The following RBMS3 variants were observed in gnomAD, a reference collection of about 807,000 sequenced individuals.
RBMS3 encodes RNA-binding motif, single-stranded-interacting protein 3.
Under a neutral mutation model 66.8 loss-of-function variants are expected in RBMS3, and 27 were observed. That is an observed-to-expected ratio of 0.40 (90% CI 0.30 to 0.56). RBMS3 has a LOEUF of 0.56. Among genes scored for constraint, RBMS3 ranks in the 20% least tolerant of loss-of-function variants. The pLI, the probability that RBMS3 is intolerant of heterozygous loss-of-function variation, is 0.40. For missense variants in RBMS3, 513 were observed against 549.5 expected (o/e 0.93, Z 0.66); for synonymous variants, 188 against 183.0 (o/e 1.03, Z -0.22).
intron 4 of RBMS3, among the ~76,000 whole-genome samples, chr3:29,739,483 T>C (rs1025192857): frequency 1.4e-5 from 2 of 144,998 alleles, no homozygotes; most frequent in East Asian, 4.0e-4. Context: ...AAAAGAAAAG[T>C]TTATTAGTCT....
At chr3:29,613,288 T>C (rs918307173) in intron 4 of RBMS3, among the ~76,000 whole-genome samples, 5 of 150,592 alleles carry the variant, frequency 3.3e-5, no homozygotes, top group Admixed American at 6.7e-5. Flanking sequence ...GCTGTCCTAA[T>C]TGACATTCTC....
intron 3 of RBMS3, among the ~76,000 whole-genome samples, chr3:29,498,474 A>C (rs2043845608): frequency 6.6e-6 from 1 of 152,214 alleles, no homozygotes; most frequent in South Asian, 2.1e-4. Flanking sequence ...AATATGATAT[A>C]TGTGTGTATT....
chr3:29,336,311 A>G (rs1350007978), intron 1 of RBMS3, among the ~76,000 whole-genome samples: 3 of 152,268 alleles, frequency 2.0e-5, no homozygotes, highest in African/African-American at 7.2e-5. Flanking sequence ...TCCAAACTAT[A>G]CCATGGCAGT....
intron 9 of RBMS3, 133 bp downstream of exon 9, chr3:29,897,608 C>A: frequency 1.3e-6 from 1 of 759,308 alleles, no homozygotes; most frequent in Non-Finnish European, 2.2e-6. Context: ...TGTAATAATA[C>A]TCAAGTTATG....
At chr3:29,689,454 T>C (rs2149270958) in intron 4 of RBMS3, among the ~76,000 whole-genome samples, 1 of 152,294 alleles carries the variant, frequency 6.6e-6, no homozygotes, top group South Asian at 2.1e-4. Context: ...ATATTTAAAA[T>C]TGGGCTGACA....
intron 1 of RBMS3, among the ~76,000 whole-genome samples, chr3:29,302,329 G>A (rs1433888629): frequency 1.3e-5 from 2 of 151,810 alleles, no homozygotes; most frequent in African/African-American, 4.8e-5. Flanking sequence ...ATTTATCACT[G>A]GTGGTACTTT....
At chr3:29,652,051 C>T (rs947785034) in intron 4 of RBMS3, among the ~76,000 whole-genome samples, 1 of 152,072 alleles carries the variant, frequency 6.6e-6, no homozygotes, top group Non-Finnish European at 1.5e-5. Flanking sequence ...TAACTACTGA[C>T]CATAAAATTC....
At chr3:29,622,714 A>G (rs1207426251) in intron 4 of RBMS3, among the ~76,000 whole-genome samples, 1 of 152,204 alleles carries the variant, frequency 6.6e-6, no homozygotes, top group Non-Finnish European at 1.5e-5. Context: ...GAGGGCACAG[A>G]CTGTGGAGCC....
intron 3 of RBMS3, among the ~76,000 whole-genome samples, chr3:29,515,617 A>T (rs1475232489): frequency 6.6e-6 from 1 of 152,078 alleles, no homozygotes; most frequent in African/African-American, 2.4e-5. Flanking sequence ...ACACTGACTT[A>T]AACTGTTTTT....
At chr3:29,915,729 CA>C (rs1453575429) in intron 10 of RBMS3, among the ~76,000 whole-genome samples, 2 of 152,032 alleles carry the variant, frequency 1.3e-5, no homozygotes, top group East Asian at 3.9e-4. Context: ...AAGGATTAAA[CA>C]TTTCAAATAT....
At chr3:29,919,880 A>G (rs1408042708) in intron 10 of RBMS3, among the ~76,000 whole-genome samples, 6 of 152,252 alleles carry the variant, frequency 3.9e-5, no homozygotes, top group East Asian at 3.8e-4. Context: ...CATTGTTCAC[A>G]TAATCATCTC....
At chr3:29,835,004 T>A (rs1310943616) in intron 6 of RBMS3, among the ~76,000 whole-genome samples, 1 of 151,908 alleles carries the variant, frequency 6.6e-6, no homozygotes, top group Non-Finnish European at 1.5e-5. Context: ...TCAGACAAAA[T>A]GGACTTTTAA....
intron 2 of RBMS3, among the ~76,000 whole-genome samples, chr3:29,448,579 G>A (rs150898747): frequency 9.9e-5 from 15 of 152,266 alleles, no homozygotes; most frequent in African/African-American, 2.6e-4. Context: ...GAATTGCAGC[G>A]AAAAGGACAA....
intron 3 of RBMS3, among the ~76,000 whole-genome samples, chr3:29,576,446 C>CA (rs2047123454): frequency 6.6e-6 from 1 of 152,124 alleles, no homozygotes; most frequent in Non-Finnish European, 1.5e-5. Context: ...CTGCATAGCA[C>CA]TGAGTCTTGC....
intron 6 of RBMS3, among the ~76,000 whole-genome samples, chr3:29,824,192 G>A (rs754623347): frequency 1.7e-4 from 23 of 137,662 alleles, no homozygotes; most frequent in Admixed American, 3.9e-4. Context: ...CAGTGCCTTT[G>A]GAAGGTGAAT....
rs926502999 is a variant in RBMS3 at position 29,289,264 on chromosome 3, C to A, written c.75+7508C>A. 3.3e-5 allele frequency among the ~76,000 whole-genome samples: 5 copies of A among 151,966 alleles called. 1 individual carries two copies. The highest frequency in any genetic ancestry group is 1.9e-4 in the East Asian group (1 of 5,160). On this transcript the variant is annotated intron_variant, in intron 1 of 14. Coordinates refer to ENST00000383767, the MANE Select transcript of RBMS3 (RefSeq NM_001003793.3). ...CTGAACTGTTAAGAGAAGGGTGGTC[C>A]ATACATAAGTAGCAATGTTATCATT...
chr3:29,299,783 A>C (rs1324448554), intron 1 of RBMS3, among the ~76,000 whole-genome samples: 1 of 151,892 alleles, frequency 6.6e-6, no homozygotes, highest in Non-Finnish European at 1.5e-5. Flanking sequence ...TGCAAATTTT[A>C]GTATGGGGGT....
chr3:29,974,800 C>T (rs150924923), intron 12 of RBMS3, among the ~76,000 whole-genome samples: 3,279 of 109,218 alleles, frequency 0.03, 263 homozygotes, highest in African/African-American at 0.11. Flanking sequence ...ATATAAAATA[C>T]GTTTATATAT....
At chr3:29,387,602 C>T (rs574857987) in intron 1 of RBMS3, among the ~76,000 whole-genome samples, 18 of 152,152 alleles carry the variant, frequency 1.2e-4, no homozygotes, top group South Asian at 4.2e-4. Flanking sequence ...CCAGAGTAAA[C>T]GTTTTAAAAT....
Sources: allele counts gnomAD v4.1 joint callset (sites outside exome capture counted in the v4.1 genomes callset), GRCh38; gene constraint gnomAD v4.1.1; transcripts MANE v1.5; gene names NCBI Gene and HGNC (gene_info 2026-07-23, HGNC 2026-07-21).